LYVE1: variants seen among roughly 807,000 people sequenced by gnomAD.
LYVE1 encodes the protein lymphatic vessel endothelial hyaluronan receptor 1.
A neutral mutation model predicts 31.5 loss-of-function variants in LYVE1; 29 were observed. That is an observed-to-expected ratio of 0.92 (90% CI 0.69 to 1.26). The LOEUF (loss-of-function observed/expected upper bound fraction) is 1.26. Ranked by LOEUF, LYVE1 falls within the 50% of genes most tolerant of loss-of-function variation. The pLI is 0.00. For missense variants in LYVE1, 376 were observed against 380.2 expected, an observed-to-expected ratio of 0.99 and a Z score of 0.09; for synonymous variants, 134 against 139.4, an observed-to-expected ratio of 0.96 and a Z score of 0.27.
At chr11:10,560,921 A>G in intron 3 of LYVE1, 121 bp from the exon 4 acceptor site, 1 of 754,288 alleles carries the variant, frequency 1.3e-6, no homozygotes, top group Non-Finnish European at 2.2e-6. Context: ...TTTAAAAAGC[A>G]AATCTAACCA....
chr11:10,560,475 T>C lies in LYVE1; in HGVS notation c.703+20A>G, dbSNP rs1224719453. On this transcript the variant is annotated intron_variant, in intron 4 of 5. Transcript: ENST00000256178. ...CATGAACATACATACACACGTAACA[T>C]AGACACAGAAACCATTTACCTCCAA... is the stretch of plus-strand genomic sequence containing the variant. 3.8e-6 allele frequency: 6 copies of C among 1,576,092 alleles called. No individual in the cohort carries two copies. Among genetic ancestry groups the C allele is most frequent in the Admixed American group, 3.6e-5 (2 of 56,002 alleles).
intron 1 of LYVE1, among the ~76,000 whole-genome samples, 194 bp downstream of exon 1, chr11:10,568,254 T>C (rs1850581048): frequency 1.3e-5 from 2 of 152,252 alleles, no homozygotes; most frequent in Non-Finnish European, 2.9e-5. Context: ...AAAGTCCAGA[T>C]GATACAAACG....
At position 10,559,103 on chromosome 11, in the gene LYVE1, T is replaced by C. The variant is rs1850364853; in HGVS notation, c.*8A>G. The stretch of plus-strand genomic sequence containing the variant: ...AGCCTCAGGTGTGTCTCCTCATTTC[T>C]GTCTCATCTAAACTTCAGCTTCCAG... On this transcript the variant is annotated 3_prime_UTR_variant, in exon 6 of 6. Transcript: ENST00000256178. 1 of 1,612,694 alleles carries C rather than the reference T, an allele frequency of 6.2e-7. No homozygotes were observed. Among genetic ancestry groups the C allele is most frequent in the African/African-American group, 1.3e-5 (1 of 74,750 alleles).
At chr11:10,561,155 T>C (rs542674170) in intron 3 of LYVE1, among the ~76,000 whole-genome samples, 8 of 152,342 alleles carry the variant, frequency 5.3e-5, no homozygotes, top group African/African-American at 1.9e-4. Flanking sequence ...CCTCTCTTTA[T>C]TTAGCTTACT....
Position 10,564,355 on chromosome 11 carries a change from T to A in LYVE1, c.105A>T (p.Ser35=), listed in dbSNP as rs372396648. 1.5e-5 allele frequency: 25 copies of A among 1,613,764 alleles called. No homozygotes were observed. Among genetic ancestry groups the A allele is most frequent in the Non-Finnish European group, 1.9e-5 (23 of 1,179,870 alleles). Reference sequence around the variant, plus strand: ...CAAGGGTGATCCCCATAATTCTGCATGACACCTGGATGGAAAGCTCTGCAA... The same window carrying A: ...CAAGGGTGATCCCCATAATTCTGCAAGACACCTGGATGGAAAGCTCTGCAA... ...LRAEELSIQV[S]CRIMGITLVS... is the part of the protein sequence containing the mutation. Residue 35 remains serine, a synonymous_variant, in exon 2 of 6, where the codon TCA becomes TCT. Transcript: ENST00000256178.
chr11:10,558,844 G>T lies in LYVE1; in HGVS notation c.*267C>A. The T allele has an allele frequency of 2.6e-6, 1 of 390,102 alleles. No homozygotes were observed. The highest frequency in any genetic ancestry group is 4.5e-6 in the Non-Finnish European group (1 of 219,818). 24.2% of individuals were successfully genotyped at this position (390,102 alleles called of 1,614,324 possible). On this transcript the variant is annotated 3_prime_UTR_variant, in exon 6 of 6. Coordinates refer to ENST00000256178, the MANE Select transcript of LYVE1 (RefSeq NM_006691.4). ...TTTGCAAAACTCCTTTCTCCCAGTGGGATATTATTAGGACATAGCCAGGCT... is the reference window on the plus strand; with the variant it reads ...TTTGCAAAACTCCTTTCTCCCAGTGTGATATTATTAGGACATAGCCAGGCT...
At chr11:10,565,651 C>T (rs376966779) in intron 1 of LYVE1, among the ~76,000 whole-genome samples, 32 of 152,256 alleles carry the variant, frequency 2.1e-4, no homozygotes, top group African/African-American at 7.0e-4. Flanking sequence ...GATTCTAAAA[C>T]CCCAGTTCCT....
At position 10,559,859 on chromosome 11, in the gene LYVE1, A is replaced by G. The variant is rs1268203046; in HGVS notation, c.739T>C (p.Phe247Leu). Residue 247 changes from phenylalanine (F) to leucine (L), a missense_variant, in exon 5 of 6, where the codon TTC becomes CTC. Transcript: ENST00000256178. Reference protein sequence around the residue: ...PTALLVLALLFFGAAAGLGFC... With the variant: ...PTALLVLALLLFGAAAGLGFC... ...CCAAGACCAGCTGCAGCACCAAAGA[A>G]GAGGAGAGCAAGCACTAGCAGAGCC... The G allele has an allele frequency of 1.2e-6, 2 of 1,613,828 alleles. No homozygotes were observed. Among genetic ancestry groups the G allele is most frequent in the Non-Finnish European group, 1.7e-6 (2 of 1,179,882 alleles).
Position 10,568,594 on chromosome 11 carries a change from G to T in LYVE1, c.-62C>A. 6.3e-7 allele frequency: 1 copy of T among 1,577,302 alleles called. No homozygotes were observed. Reference sequence around the variant, plus strand: ...ATGGCCACTGGTGATATGAGAGGCAGATGCTCAATAACTAGTCCGGATGGA... The same window carrying T: ...ATGGCCACTGGTGATATGAGAGGCATATGCTCAATAACTAGTCCGGATGGA... On this transcript the variant is annotated 5_prime_UTR_variant, in exon 1 of 6. It adds an upstream start codon to the 5' untranslated region. Coordinates refer to ENST00000256178, the MANE Select transcript of LYVE1 (RefSeq NM_006691.4).
intron 1 of LYVE1, among the ~76,000 whole-genome samples, chr11:10,564,840 CA>C (rs1850504153): frequency 1.3e-5 from 2 of 152,172 alleles, no homozygotes; most frequent in Non-Finnish European, 2.9e-5. Flanking sequence ...GAAAATGTCA[CA>C]CTTGTTATAA....
At position 10,557,344 on chromosome 11, in the gene LYVE1, ACC is replaced by A. The variant is rs1850336181; in HGVS notation, c.*1765_*1766del. 1 of 152,202 alleles carries A rather than the reference ACC, an allele frequency of 6.6e-6. No homozygotes were observed. Among genetic ancestry groups the A allele is most frequent in the Non-Finnish European group, 1.5e-5 (1 of 68,042 alleles). The allele number at this position is 152,202 out of a possible 1,614,324, so 9.4% of individuals were successfully genotyped here. A position where few individuals can be genotyped will look rare whatever the true frequency, so the allele number is the denominator to read the frequency against. ...CCAGATCTTTCCATTTTTAGAGGGA[ACC>A]CAGAAATGTAACCATGTGAAATCTC... On this transcript the variant is annotated 3_prime_UTR_variant, in exon 6 of 6. Coordinates refer to ENST00000256178, the MANE Select transcript of LYVE1 (RefSeq NM_006691.4).
intron 1 of LYVE1, among the ~76,000 whole-genome samples, chr11:10,565,319 A>C (rs1313555447): frequency 1.3e-5 from 2 of 152,212 alleles, no homozygotes; most frequent in African/African-American, 4.8e-5. Flanking sequence ...TCAAAATCTA[A>C]TGGATTTGGG....
rs774335191 is a variant in LYVE1 at position 10,560,669 on chromosome 11, T to G, written c.529A>C (p.Thr177Pro). ...GGAGTAGTAGTAGGGGCAGGTATTG[T>G]AGAGTAAGGGGATGCCACCGAGTAG... is the stretch of plus-strand genomic sequence containing the variant. ...STYSVASPYS[T>P]IPAPTTTPPA... The change falls in exon 4 of 6, where the codon ACA becomes CCA. Residue 177 changes from threonine (T) to proline (P), a missense_variant. Transcript: ENST00000256178. 19 of 1,614,028 alleles carry G rather than the reference T, an allele frequency of 1.2e-5. No individual in the cohort carries two copies. The highest frequency in any genetic ancestry group is 1.5e-5 in the Non-Finnish European group (18 of 1,179,982).
intron 4 of LYVE1, among the ~76,000 whole-genome samples, chr11:10,560,207 G>C (rs1370176099): frequency 6.6e-6 from 1 of 152,186 alleles, no homozygotes; most frequent in African/African-American, 2.4e-5. Flanking sequence ...GGCCTTTAGG[G>C]TATATATTTT....
chr11:10,560,504 C>T lies in LYVE1; in HGVS notation c.694G>A (p.Gly232Arg), dbSNP rs377086414. 1.1e-5 allele frequency: 18 copies of T among 1,605,474 alleles called. No individual in the cohort carries two copies. The African/African-American group carries it at 1.2e-4, about 11-fold the overall frequency. Residue 232 changes from glycine (G) to arginine (R), a missense_variant, in exon 4 of 6, where the codon GGG (glycine) becomes AGG (arginine). By Grantham distance (125) the Gly-to-Arg change is moderately radical. Coordinates refer to ENST00000256178, the MANE Select transcript of LYVE1 (RefSeq NM_006691.4). ...CACAGAAACCATTTACCTCCAAACC[C>T]AGCAGCTTCATTCTTGAATGCTGCT... ...NKAAFKNEAA[G>R]FGGVPTALLV...
At position 10,568,474 on chromosome 11, in the gene LYVE1, A is replaced by C. The variant is rs1160494498; in HGVS notation, c.59T>G (p.Leu20Arg). ...LLTSIWTTRL[L>R]VQGSLRAEEL... ...TTCTGCACGCAAAGAGCCTTGGACC[A>C]GGAGCCTCGTGGTCCAGATGGAAGT... Residue 20 changes from leucine to arginine, a missense_variant, in exon 1 of 6, where the codon CTG becomes CGG. Transcript: ENST00000256178. 1 of 1,614,002 alleles carries C rather than the reference A, an allele frequency of 6.2e-7. No homozygotes were observed. The highest frequency in any genetic ancestry group is 8.5e-7 in the Non-Finnish European group (1 of 1,179,958).
rs201518735 is a variant in LYVE1 at position 10,564,316 on chromosome 11, C to T, written c.144G>A (p.Ala48=). ...CTTCTGTGAAATTCAGCTGCTGGTT[C>T]GCCTTTTTGCTCACAAGGGTGATCC... ...IMGITLVSKK[A]NQQLNFTEAK... The change falls in exon 2 of 6, where the codon GCG becomes GCA. Residue 48 remains alanine, a synonymous_variant. Transcript: ENST00000256178. 5.1e-5 allele frequency: 82 copies of T among 1,614,188 alleles called. No individual in the cohort carries two copies. In the Admixed American group the frequency reaches 1.1e-3, roughly 22 times the overall value.
At chr11:10,559,785 T>G in intron 5 of LYVE1, 31 bp downstream of exon 5, 1 of 1,596,576 alleles carries the variant, frequency 6.3e-7, no homozygotes, top group South Asian at 1.1e-5. Flanking sequence ...TGACAAAGAT[T>G]ACAAGACTAG....
At chr11:10,568,424 T>A (rs1262563642) in intron 1 of LYVE1, 24 bp downstream of exon 1, 1 of 1,612,560 alleles carries the variant, frequency 6.2e-7, no homozygotes. Context: ...TTGCTTCAGT[T>A]TGGAAATCTG....
Sources: gnomAD v4.1 joint callset for allele counts (sites outside exome capture counted in the v4.1 genomes callset) on GRCh38, gnomAD v4.1.1 for gene constraint, MANE v1.5 for transcripts, NCBI Gene and HGNC (gene_info 2026-07-23, HGNC 2026-07-21) for gene names.